Variants in INPP4A observed in about 807,000 individuals in gnomAD.
The protein encoded by INPP4A is inositol polyphosphate-4-phosphatase type I A.
A neutral mutation model predicts 119.8 loss-of-function variants in INPP4A; 33 were observed. That is an observed-to-expected ratio of 0.28 (90% CI 0.21 to 0.37). The LOEUF is 0.37. Among genes scored for constraint, INPP4A ranks in the 10% least tolerant of loss-of-function variants. INPP4A has a pLI of 1.00. For missense variants in INPP4A, 956 were observed against 1,289.9 expected, an observed-to-expected ratio of 0.74 and a Z score of 3.97; for synonymous variants, 496 against 500.7, an observed-to-expected ratio of 0.99 and a Z score of 0.12.
chr2:98,557,242 C>T (rs144655583), intron 16 of INPP4A, among the ~76,000 whole-genome samples: 21 of 152,226 alleles, frequency 1.4e-4, no homozygotes, highest in Admixed American at 1.1e-3. Flanking sequence ...GTTTGACTTG[C>T]GTGTGCCATA....
chr2:98,568,515 C>A, intron 21 of INPP4A, 56 bp from the exon 22 acceptor site: 2 of 823,506 alleles, frequency 2.4e-6, no homozygotes, highest in South Asian at 3.0e-5. Context: ...CAGTTGTGTT[C>A]ATGTTAGAAG....
intron 1 of INPP4A, among the ~76,000 whole-genome samples, chr2:98,492,357 G>C (rs1680982656): frequency 6.6e-6 from 1 of 152,152 alleles, no homozygotes; most frequent in Non-Finnish European, 1.5e-5. Flanking sequence ...TTTTCTCCTA[G>C]CATGGTTTGC....
chr2:98,573,021 C>T lies in INPP4A; in HGVS notation c.2631+94C>T, dbSNP rs1397931606. On this transcript the variant is annotated intron_variant, in intron 23 of 24. Coordinates refer to ENST00000409851, the MANE Select transcript of INPP4A (RefSeq NM_001134225.2). Reference sequence around the variant, plus strand: ...ACAAAGTAGAATCTCAGCAGGAGAGCAGAGCTCTCCATACTGGGAGAGGAG... The same window carrying T: ...ACAAAGTAGAATCTCAGCAGGAGAGTAGAGCTCTCCATACTGGGAGAGGAG... 5 of 928,390 alleles carry T rather than the reference C, an allele frequency of 5.4e-6. No homozygotes were observed. In the Admixed American group the frequency reaches 8.2e-5, roughly 15 times the overall value. The allele number at this position is 928,390 out of a possible 1,614,324, so 57.5% of individuals were successfully genotyped here. A position where few individuals can be genotyped will look rare whatever the true frequency, so the allele number is the denominator to read the frequency against.
chr2:98,458,392 G>GCCA (rs1262806483), intron 1 of INPP4A, among the ~76,000 whole-genome samples: 1 of 152,018 alleles, frequency 6.6e-6, no homozygotes, highest in African/African-American at 2.4e-5. Context: ...CTCTACCCTG[G>GCCA]GAGTGGCTAC....
chr2:98,488,765 G>C (rs1209748597), intron 1 of INPP4A, among the ~76,000 whole-genome samples: 1 of 152,198 alleles, frequency 6.6e-6, no homozygotes. Context: ...GAGGGGAGTT[G>C]CTTGAGACTG....
At chr2:98,513,201 CCTT>C (rs1010253707) in intron 1 of INPP4A, among the ~76,000 whole-genome samples, 3 of 152,252 alleles carry the variant, frequency 2.0e-5, no homozygotes, top group East Asian at 1.9e-4. Flanking sequence ...CAGAATCAGT[CCTT>C]CTGCTTTTAT....
At position 98,536,196 on chromosome 2, in the gene INPP4A, A is replaced by G. The variant is rs774317747; in HGVS notation, c.455A>G (p.His152Arg). 17 of 1,602,720 alleles carry G rather than the reference A, an allele frequency of 1.1e-5. No homozygotes were observed. In the East Asian group the frequency reaches 3.8e-4, roughly 36 times the overall value. Residue 152 changes from histidine to arginine, a missense_variant, in exon 7 of 25, where the codon CAT (histidine) becomes CGT (arginine). Physicochemically the swap from His to Arg is conservative, Grantham distance 29 (BLOSUM62 0). Coordinates refer to ENST00000409851, the MANE Select transcript of INPP4A (RefSeq NM_001134225.2). ...CTCCAGGACAGGCATCATAGGTTGCATTTAACACTAAGGTTGGTATTCAGT... is the reference window on the plus strand; with the variant it reads ...CTCCAGGACAGGCATCATAGGTTGCGTTTAACACTAAGGTTGGTATTCAGT... ...DLLQDRHHRL[H>R]LTLRSAESDR...
chr2:98,508,722 G>T (rs1180773768), intron 1 of INPP4A, among the ~76,000 whole-genome samples: 1 of 152,214 alleles, frequency 6.6e-6, no homozygotes, highest in Non-Finnish European at 1.5e-5. Flanking sequence ...TGACAATGGA[G>T]TAAGAAATGA....
intron 4 of INPP4A, among the ~76,000 whole-genome samples, chr2:98,530,196 A>G (rs1464588745): frequency 6.6e-6 from 1 of 151,288 alleles, no homozygotes; most frequent in Non-Finnish European, 1.5e-5. Flanking sequence ...AACTAGAAAA[A>G]GTGAAAAAAA....
At chr2:98,583,033 C>T (rs1699552519) in intron 24 of INPP4A, among the ~76,000 whole-genome samples, 3 of 152,014 alleles carry the variant, frequency 2.0e-5, no homozygotes, top group South Asian at 4.2e-4. Context: ...AGATCACCTA[C>T]TGCATATGCC....
At position 98,569,797 on chromosome 2, in the gene INPP4A, A is replaced by G. The variant is rs897611026; in HGVS notation, c.2518+1129A>G. On this transcript the variant is annotated intron_variant, in intron 22 of 24. Transcript: ENST00000409851. This position sits in a 1 kb window ranked among gnomAD's most constrained non-coding sequence, Gnocchi z 5.1. Reference sequence around the variant, plus strand: ...TGGGCCAAGAAGTCGTGGCTTCAGCAGGGAAGCAGTGGGAAAAAAGACGCC... The same window carrying G: ...TGGGCCAAGAAGTCGTGGCTTCAGCGGGGAAGCAGTGGGAAAAAAGACGCC... 3.3e-5 allele frequency: 5 copies of G among 152,350 alleles called. No individual in the cohort carries two copies. The highest frequency in any genetic ancestry group is 1.2e-4 in the African/African-American group (5 of 41,452). The allele number at this position is 152,350 out of a possible 1,614,324, so 9.4% of individuals were successfully genotyped here.
chr2:98,466,494 C>T (rs1213311144), intron 1 of INPP4A, among the ~76,000 whole-genome samples: 1 of 152,260 alleles, frequency 6.6e-6, no homozygotes, highest in African/African-American at 2.4e-5. Context: ...TGTGCTGTGC[C>T]TCAGCATGCA....
In INPP4A at chr2:98,555,787, T is replaced by C; in HGVS notation, c.1801T>C (p.Cys601Arg). Residue 601 changes from cysteine to arginine, a missense_variant, in exon 16 of 25, where the codon TGC (cysteine) becomes CGC (arginine). Transcript: ENST00000409851. ...CCCCTCCACCATGCCCTCCACTGCA[T>C]GCCATCCTCATCTGACCACACGTGC... ...PCPSTMPSTACHPHLTTHCSP... is the reference protein window; with the variant it reads ...PCPSTMPSTARHPHLTTHCSP... 3.2e-6 allele frequency: 5 copies of C among 1,566,130 alleles called. No individual in the cohort carries two copies. Among genetic ancestry groups the C allele is most frequent in the Non-Finnish European group, 4.3e-6 (5 of 1,154,872 alleles).
intron 1 of INPP4A, among the ~76,000 whole-genome samples, chr2:98,511,064 A>G (rs1558975448): frequency 6.8e-6 from 1 of 146,696 alleles, no homozygotes; most frequent in Non-Finnish European, 1.5e-5. Flanking sequence ...GCTTGATTCA[A>G]TTTTTTTTTT....
chr2:98,457,283 T>C (rs769394863), intron 1 of INPP4A, among the ~76,000 whole-genome samples: 15 of 152,184 alleles, frequency 9.9e-5, no homozygotes, highest in Non-Finnish European at 1.9e-4. Context: ...CTTAGTGGCA[T>C]GCACCTGGTG....
chr2:98,543,755 TG>T, intron 10 of INPP4A, 121 bp from the exon 11 acceptor site: 1 of 1,254,002 alleles, frequency 8.0e-7, no homozygotes, highest in Non-Finnish European at 1.1e-6. Flanking sequence ...ACCATTGTCC[TG>T]GCCTGCCCTG....
chr2:98,587,482 T>C lies in INPP4A; in HGVS notation c.2793T>C (p.Gly931=). The C allele has an allele frequency of 6.3e-7, 1 of 1,587,576 alleles. No individual in the cohort carries two copies. The highest frequency in any genetic ancestry group is 8.5e-7 in the Non-Finnish European group (1 of 1,169,632). The change falls in exon 25 of 25, where the codon GGT becomes GGC. Residue 931 remains glycine, a synonymous_variant. Coordinates refer to ENST00000409851, the MANE Select transcript of INPP4A (RefSeq NM_001134225.2). The part of the protein sequence containing the change: ...TQALECMRSE[G]CRRENTMKNV... ...GTGCTTGTTTTTTCCCCAGTGAGGG[T>C]TGTCGAAGAGAAAATACAATGAAGA...
intron 1 of INPP4A, among the ~76,000 whole-genome samples, chr2:98,510,310 C>A (rs1310116283): frequency 6.6e-6 from 1 of 152,126 alleles, no homozygotes; most frequent in Admixed American, 6.5e-5. Context: ...AGATGGGAAA[C>A]CTTGAGGGGC....
At chr2:98,498,788 A>T (rs1257729664) in intron 1 of INPP4A, among the ~76,000 whole-genome samples, 1 of 152,230 alleles carries the variant, frequency 6.6e-6, no homozygotes, top group African/African-American at 2.4e-5. Flanking sequence ...TGGTGTCCTT[A>T]TAAGAAGAGA....
Sources: gnomAD v4.1 joint callset for allele counts (sites outside exome capture counted in the v4.1 genomes callset) on GRCh38, gnomAD v4.1.1 for gene constraint, Gnocchi (gnomAD v3.1) non-coding constraint, MANE v1.5 for transcripts, NCBI Gene and HGNC (gene_info 2026-07-23, HGNC 2026-07-21) for gene names.